Variants in CDH13 observed in about 807,000 individuals in gnomAD.
The protein encoded by CDH13 is cadherin-13.
A neutral mutation model predicts 63.8 loss-of-function variants in CDH13; 24 were observed. That is an observed-to-expected ratio of 0.38 (90% CI 0.27 to 0.53). The LOEUF (loss-of-function observed/expected upper bound fraction) is 0.53. CDH13 is among the 20% of genes least tolerant of loss of function. The probability of loss-of-function intolerance (pLI) is 0.85; values close to 1 mark genes in which losing one functional copy is unlikely to be tolerated. For synonymous variants in CDH13, 503 were observed against 355.3 expected (o/e 1.42, Z -4.67); for missense variants, 1,049 against 903.1 (o/e 1.16, Z -2.07).
At chr16:83,498,985 T>C (rs1295879522) in intron 7 of CDH13, among the ~76,000 whole-genome samples, 1 of 152,232 alleles carries the variant, frequency 6.6e-6, no homozygotes, top group African/African-American at 2.4e-5. Flanking sequence ...TTGTTGAGTA[T>C]TTTGTCAATA....
At chr16:82,986,845 A>C (rs959192670) in intron 2 of CDH13, among the ~76,000 whole-genome samples, 2 of 152,228 alleles carry the variant, frequency 1.3e-5, no homozygotes, top group African/African-American at 4.8e-5. Flanking sequence ...CTGGAACTCC[A>C]AATTTCCCAG....
intron 7 of CDH13, among the ~76,000 whole-genome samples, chr16:83,536,961 C>T (rs2075203569): frequency 6.6e-6 from 1 of 152,184 alleles, no homozygotes; most frequent in Admixed American, 6.5e-5. Flanking sequence ...ACAGGTGTTT[C>T]ATCTTCTCAG....
intron 1 of CDH13, among the ~76,000 whole-genome samples, chr16:82,717,231 A>G (rs1360931543): frequency 6.6e-6 from 1 of 152,044 alleles, no homozygotes; most frequent in Non-Finnish European, 1.5e-5. Context: ...AGGATGCCAA[A>G]TCACATAAAA....
intron 7 of CDH13, among the ~76,000 whole-genome samples, chr16:83,497,405 A>G (rs1011867449): frequency 7.2e-5 from 11 of 151,902 alleles, no homozygotes; most frequent in South Asian, 6.3e-4. Context: ...GTAAACTATC[A>G]CAAGAACAAA....
At position 82,949,104 on chromosome 16, in the gene CDH13, C is replaced by G. The variant is rs201812054; in HGVS notation, c.158-82906C>G. 7.9e-5 allele frequency among the ~76,000 whole-genome samples: 12 copies of G among 152,236 alleles called. No individual in the cohort carries two copies. The East Asian group carries it at 2.3e-3, about 29-fold the overall frequency. On this transcript the variant is annotated intron_variant, in intron 2 of 13. Coordinates refer to ENST00000567109, the MANE Select transcript of CDH13 (RefSeq NM_001257.5). ...GAGGGGATGTATTAGTTTCTTAGGG[C>G]TGACATGAAAAAGTACTGGGTGACT...
At chr16:83,353,044 G>A (rs547657173) in intron 6 of CDH13, among the ~76,000 whole-genome samples, 26 of 152,324 alleles carry the variant, frequency 1.7e-4, no homozygotes, top group Non-Finnish European at 3.5e-4. Context: ...ATAGAGTGTG[G>A]AATAATAGAC....
rs12716949 is a variant in CDH13 at position 82,659,324 on chromosome 16, T to G, written c.45+32187T>G. On this transcript the variant is annotated intron_variant, in intron 1 of 13. Coordinates refer to ENST00000567109, the MANE Select transcript of CDH13 (RefSeq NM_001257.5). ...GAAACACGTAACTCATAAGCACACA[T>G]GAATAGGTATAGGTCATAATCCTGG... Among the ~76,000 whole-genome samples the G allele has an allele frequency of 0.021, 3,253 of 152,056 alleles. 234 individuals are homozygous for G. The East Asian group carries it at 0.25, about 12-fold the overall frequency.
chr16:83,734,530 A>T (rs1233031109), intron 10 of CDH13, among the ~76,000 whole-genome samples: 1 of 151,784 alleles, frequency 6.6e-6, no homozygotes, highest in Non-Finnish European at 1.5e-5. Flanking sequence ...GGAATTGAAC[A>T]ATGAGAACAC....
intron 10 of CDH13, among the ~76,000 whole-genome samples, chr16:83,737,884 C>G (rs557467990): frequency 3.9e-5 from 6 of 152,206 alleles, no homozygotes; most frequent in African/African-American, 7.2e-5. Context: ...CTGCATGACT[C>G]AGGCAAGCTC....
At chr16:83,030,862 C>T (rs976860240) in intron 2 of CDH13, among the ~76,000 whole-genome samples, 3 of 151,788 alleles carry the variant, frequency 2.0e-5, no homozygotes, top group Non-Finnish European at 2.9e-5. Flanking sequence ...CTTCTAGATC[C>T]CCACCATTCT....
intron 2 of CDH13, among the ~76,000 whole-genome samples, chr16:82,943,696 A>G (rs1222794632): frequency 1.3e-5 from 2 of 152,342 alleles, no homozygotes; most frequent in South Asian, 2.1e-4. Context: ...ACAAAGAAAT[A>G]TAACCTGGCC....
intron 8 of CDH13, among the ~76,000 whole-genome samples, chr16:83,603,605 A>T (rs1908055840): frequency 6.6e-6 from 1 of 152,096 alleles, no homozygotes; most frequent in African/African-American, 2.4e-5. Flanking sequence ...TCCAACCTCC[A>T]GGGTGTTTGG....
chr16:82,785,753 G>C (rs2035971928), intron 1 of CDH13, among the ~76,000 whole-genome samples: 1 of 152,202 alleles, frequency 6.6e-6, no homozygotes, highest in South Asian at 2.1e-4. Context: ...GGGCTGGAGG[G>C]AGAAGGTTAT....
intron 6 of CDH13, among the ~76,000 whole-genome samples, chr16:83,375,908 T>C (rs2091451957): frequency 6.6e-6 from 1 of 152,026 alleles, no homozygotes; most frequent in Non-Finnish European, 1.5e-5. Flanking sequence ...ATACAGGTGT[T>C]GGAGAGAGGC....
intron 4 of CDH13, among the ~76,000 whole-genome samples, chr16:83,203,427 C>T (rs1417905551): frequency 1.3e-5 from 2 of 151,918 alleles, no homozygotes; most frequent in African/African-American, 4.8e-5. Flanking sequence ...TGGCTCACGC[C>T]TGTAATCCCA....
intron 2 of CDH13, among the ~76,000 whole-genome samples, chr16:82,964,941 G>C (rs1386532489): frequency 6.6e-6 from 1 of 152,178 alleles, no homozygotes. Flanking sequence ...AGTCCTTCTT[G>C]ATTATCCTCC....
At chr16:83,747,161 C>A (rs905451131) in intron 10 of CDH13, among the ~76,000 whole-genome samples, 2 of 152,216 alleles carry the variant, frequency 1.3e-5, no homozygotes, top group Admixed American at 1.3e-4. Flanking sequence ...GAACAAATTT[C>A]TTGCCCTCGC....
At chr16:82,760,210 C>T (rs545345840) in intron 1 of CDH13, among the ~76,000 whole-genome samples, 53 of 152,268 alleles carry the variant, frequency 3.5e-4, no homozygotes, top group Middle Eastern at 3.4e-3. Flanking sequence ...CATAAGCACC[C>T]GGCTCATTGC....
At chr16:83,606,123 G>T (rs1037191448) in intron 8 of CDH13, among the ~76,000 whole-genome samples, 4 of 152,176 alleles carry the variant, frequency 2.6e-5, no homozygotes, top group Non-Finnish European at 4.4e-5. Context: ...TTTTAGAGAT[G>T]AAAATCAAGG....
Sources: allele counts gnomAD v4.1 joint callset (sites outside exome capture counted in the v4.1 genomes callset), GRCh38; gene constraint gnomAD v4.1.1; transcripts MANE v1.5; gene names NCBI Gene and HGNC (gene_info 2026-07-23, HGNC 2026-07-21).